ATP5MJ: variants seen among roughly 807,000 people sequenced by gnomAD.
The protein encoded by ATP5MJ is ATP synthase membrane subunit j, also known as ATP synthase F(0) complex subunit j, mitochondrial.
A neutral mutation model predicts 8.3 loss-of-function variants in ATP5MJ; 4 were observed. The ratio of observed to expected loss-of-function variants is 0.48; its 90% CI spans 0.24 to 1.11. The LOEUF (loss-of-function observed/expected upper bound fraction) is 1.11, where lower values mean the gene tolerates loss of function less well. Among genes scored for constraint, ATP5MJ ranks in the 50% least tolerant of loss-of-function variants. The pLI, the probability that ATP5MJ is intolerant of heterozygous loss-of-function variation, is 0.18. For synonymous variants in ATP5MJ, 23 were observed against 21.3 expected (o/e 1.08, Z -0.23); for missense variants, 66 against 71.8 (o/e 0.92, Z 0.29).
intron 1 of ATP5MJ, chr14:103,918,222 G>A (rs937928028): frequency 6.6e-6 from 1 of 152,226 alleles, no homozygotes; most frequent in African/African-American, 2.4e-5. Flanking sequence ...TGAATCCCTT[G>A]TCTCTCAGCA....
rs756302280 is a variant in ATP5MJ at position 103,914,652 on chromosome 14, CA to C, written c.124+413del. On this transcript the variant is annotated intron_variant, in intron 2 of 3. Coordinates refer to ENST00000286953, the MANE Select transcript of ATP5MJ (RefSeq NM_004894.3). The stretch of plus-strand genomic sequence containing the variant: ...CCCATCTCTACAAAAAAAAAAAGTA[CA>C]AAAAAAAAATTAGCTAGGTGTGGTG... 2,136 of 496,076 alleles carry C rather than the reference CA, an allele frequency of 4.3e-3. 1 individual carries two copies. Among genetic ancestry groups the C allele is most frequent in the South Asian group, 7.7e-3 (290 of 37,556 alleles). 30.7% of individuals were successfully genotyped at this position (496,076 alleles called of 1,614,324 possible).
intron 1 of ATP5MJ, among the ~76,000 whole-genome samples, chr14:103,918,483 C>T (rs2087643637): frequency 6.6e-6 from 1 of 152,064 alleles, no homozygotes; most frequent in African/African-American, 2.4e-5. Flanking sequence ...GCCTCAGCCT[C>T]CCGAGTAGCT....
intron 1 of ATP5MJ, among the ~76,000 whole-genome samples, chr14:103,917,387 G>T (rs2087633690): frequency 7.3e-6 from 1 of 137,472 alleles, no homozygotes; most frequent in South Asian, 2.3e-4. Flanking sequence ...GATGGGCCAT[G>T]TCATTTAAGG....
At chr14:103,915,231 C>A (rs771182349) in intron 1 of ATP5MJ, 42 bp from the exon 2 acceptor site, 1 of 1,599,718 alleles carries the variant, frequency 6.3e-7, no homozygotes, top group East Asian at 2.2e-5. Context: ...ATGATGATTG[C>A]TTTAAACCTA....
At chr14:103,916,868 G>A (rs1341091416) in intron 1 of ATP5MJ, among the ~76,000 whole-genome samples, 3 of 152,048 alleles carry the variant, frequency 2.0e-5, no homozygotes, top group South Asian at 2.1e-4. Flanking sequence ...CCGAATGCTC[G>A]GCAGTGTGCT....
At chr14:103,918,487 A>G (rs555070120) in intron 1 of ATP5MJ, among the ~76,000 whole-genome samples, 46 of 151,834 alleles carry the variant, frequency 3.0e-4, no homozygotes, top group African/African-American at 1.1e-3. Context: ...CAGCCTCCCG[A>G]GTAGCTGGGA....
intron 1 of ATP5MJ, 85 bp from the exon 2 acceptor site, chr14:103,915,274 C>A: frequency 2.0e-6 from 3 of 1,503,012 alleles, no homozygotes; most frequent in African/African-American, 1.4e-5. Context: ...TTAAGTTCAA[C>A]CCCATTTCCC....
At chr14:103,921,365 G>C (rs1228222600) in intron 1 of ATP5MJ, 105 bp downstream of exon 1, 1 of 280,372 alleles carries the variant, frequency 3.6e-6, no homozygotes, top group Non-Finnish European at 7.0e-6. Flanking sequence ...GCGCGTGCCG[G>C]CGGAGGGGTG....
chr14:103,914,067 G>A (rs1163207846), intron 2 of ATP5MJ, 83 bp from the exon 3 acceptor site: 3 of 1,300,510 alleles, frequency 2.3e-6, no homozygotes, highest in Non-Finnish European at 3.2e-6. Context: ...TTAGCTGAAG[G>A]CATTGTAGCT....
At chr14:103,920,327 T>A (rs1595879532) in intron 1 of ATP5MJ, among the ~76,000 whole-genome samples, 1 of 148,708 alleles carries the variant, frequency 6.7e-6, no homozygotes. Flanking sequence ...AAAGACGGGG[T>A]TTCACCGTGT....
chr14:103,913,760 C>T, intron 3 of ATP5MJ: 1 of 624,968 alleles, frequency 1.6e-6, no homozygotes, highest in South Asian at 2.1e-5. Flanking sequence ...TTACTTGATC[C>T]ACTTGACTAT....
Position 103,912,903 on chromosome 14 carries a change from C to A in ATP5MJ, c.149-209G>T. ...AATGACAGCAGACAGGCAGTGGTCA[C>A]CCACAGCGCAAAGAGAGAGGCAGGG... On this transcript the variant is annotated intron_variant, in intron 3 of 3. Coordinates refer to ENST00000286953, the MANE Select transcript of ATP5MJ (RefSeq NM_004894.3). The A allele has an allele frequency of 5.2e-6, 3 of 573,562 alleles. No individual in the cohort carries two copies. In the South Asian group the frequency reaches 6.8e-5, roughly 13 times the overall value. The allele number at this position is 573,562 out of a possible 1,614,324, so 35.5% of individuals were successfully genotyped here.
intron 1 of ATP5MJ, among the ~76,000 whole-genome samples, chr14:103,918,548 G>C (rs1461754082): frequency 3.3e-5 from 5 of 151,806 alleles, no homozygotes; most frequent in Non-Finnish European, 5.9e-5. Context: ...TTTTAGTAGA[G>C]ACTTGGTTTC....
intron 1 of ATP5MJ, among the ~76,000 whole-genome samples, chr14:103,917,644 G>A (rs1044165949): frequency 6.6e-6 from 1 of 152,160 alleles, no homozygotes; most frequent in Admixed American, 6.6e-5. Context: ...ACAGGGCACC[G>A]AACCAGGAAC....
In ATP5MJ at chr14:103,921,327, G is replaced by T. The variant is rs1428796112; in HGVS notation, c.-1+143C>A. The stretch of plus-strand genomic sequence containing the variant: ...ACCGACCCTGGCCTACCTCCCTTCA[G>T]AGAAGGGAAAGCCGGGCAGAAAAGC... On this transcript the variant is annotated intron_variant, in intron 1 of 3. Coordinates refer to ENST00000286953, the MANE Select transcript of ATP5MJ (RefSeq NM_004894.3). The T allele has an allele frequency of 1.7e-5, 5 of 289,500 alleles. No individual in the cohort carries two copies. Among genetic ancestry groups the T allele is most frequent in the Non-Finnish European group, 2.7e-5 (4 of 150,170 alleles). 17.9% of individuals were successfully genotyped at this position (289,500 alleles called of 1,614,324 possible). A position where few individuals can be genotyped will look rare whatever the true frequency, so the allele number is the denominator to read the frequency against.
chr14:103,921,060 G>GAGGGC, intron 1 of ATP5MJ: 1 of 1,549,744 alleles, frequency 6.5e-7, no homozygotes, highest in Non-Finnish European at 8.7e-7. Flanking sequence ...GCATAACGTG[G>GAGGGC]AGGGCAGTGT....
rs370479683 is a variant in ATP5MJ at position 103,914,837 on chromosome 14, C to CAAAAAGGAAAAAAAAA, written c.124+228_124+229insTTTTTTTTTCCTTTTT. On this transcript the variant is annotated intron_variant, in intron 2 of 3. Transcript: ENST00000286953. ...GGGCGTCAGAGTGAGAGACTGTCTCCAAAAAAAAAAAAAAAAAAAAGAAAA... is the reference window on the plus strand; with the variant it reads ...GGGCGTCAGAGTGAGAGACTGTCTCCAAAAAGGAAAAAAAAAAAAAAAAAAAAAAAAAAAAAGAAAA... 86 of 191,046 alleles carry CAAAAAGGAAAAAAAAA rather than the reference C, an allele frequency of 4.5e-4. 1 individual carries two copies. In the Admixed American group the frequency reaches 9.3e-3, roughly 21 times the overall value. 11.8% of individuals were successfully genotyped at this position (191,046 alleles called of 1,614,324 possible).
At chr14:103,919,893 C>T (rs188819241) in intron 1 of ATP5MJ, among the ~76,000 whole-genome samples, 96 of 151,688 alleles carry the variant, frequency 6.3e-4, no homozygotes, top group African/African-American at 2.1e-3. Flanking sequence ...ATGGTGCGAT[C>T]GCGGCTCACT....
chr14:103,919,774 G>C (rs957556282), intron 1 of ATP5MJ, among the ~76,000 whole-genome samples: 33 of 152,022 alleles, frequency 2.2e-4, no homozygotes, highest in African/African-American at 7.7e-4. Flanking sequence ...CTTGACTTCA[G>C]TTGCCATATT....
Sources: allele counts gnomAD v4.1 joint callset (sites outside exome capture counted in the v4.1 genomes callset), GRCh38; gene constraint gnomAD v4.1.1; transcripts MANE v1.5; gene names NCBI Gene and HGNC (gene_info 2026-07-23, HGNC 2026-07-21).